TENM1: variants seen among roughly 807,000 people sequenced by gnomAD.
TENM1 encodes teneurin-1.
In TENM1, 35 loss-of-function variants were observed where a neutral mutation model predicts 174.8. The observed-to-expected ratio is 0.20, with a 90% CI of 0.15 to 0.27. TENM1 has a LOEUF of 0.27. TENM1 is among the 10% of genes least tolerant of loss of function. TENM1 has a pLI of 1.00. For synonymous variants in TENM1, 781 were observed against 798.7 expected (o/e 0.98, Z 0.37); for missense variants, 1,633 against 2,130.1 (o/e 0.77, Z 4.59).
At chrX:124,794,298 A>G (rs1005562993) in intron 3 of TENM1, among the ~76,000 whole-genome samples, 1 of 111,708 alleles carries the variant, frequency 9.0e-6, no homozygotes, top group Non-Finnish European at 1.9e-5. Flanking sequence ...CCAAAATTCA[A>G]TAACAGTTTG....
intron 3 of TENM1, among the ~76,000 whole-genome samples, chrX:124,877,343 GCT>G (rs2057223061): frequency 1.8e-5 from 2 of 111,847 alleles, no homozygotes; most frequent in South Asian, 7.3e-4. Flanking sequence ...ATGATATTCT[GCT>G]CTTTTAACTT....
intron 4 of TENM1, among the ~76,000 whole-genome samples, chrX:124,720,067 G>A (rs930870842): frequency 8.9e-6 from 1 of 111,801 alleles, no homozygotes; most frequent in Non-Finnish European, 1.9e-5. Context: ...ACAAGGTGTT[G>A]CATCTTGAAT....
chrX:124,384,448 A>G (rs2060195991), exon 30 of TENM1: 1 of 1,210,960 alleles, frequency 8.3e-7, no homozygotes, highest in African/African-American at 1.7e-5. Flanking sequence ...GCCCATCAGC[A>G]TCGTATTCAT....
chrX:124,505,225 G>T (rs983560371), intron 18 of TENM1, among the ~76,000 whole-genome samples: 9 of 112,316 alleles, frequency 8.0e-5, no homozygotes, highest in Admixed American at 1.9e-4. Context: ...TCCTGGCGGG[G>T]ATGCCCTTCT....
rs2060660610 is a variant in TENM1, at chrX:124,422,179, CTT to C, written c.4471+91_4471+92del. The C allele has an allele frequency of 1.2e-5, 13 of 1,073,840 alleles. No individual in the cohort carries two copies. The East Asian group carries it at 1.2e-4, about 10-fold the overall frequency. 88.5% of individuals were successfully genotyped at this position (1,073,840 alleles called of 1,213,427 possible). A position where few individuals can be genotyped will look rare whatever the true frequency, so the allele number is the denominator to read the frequency against. On this transcript the variant is annotated intron_variant, in intron 24 of 31. Coordinates refer to ENST00000422452, the Ensembl canonical transcript of TENM1. ...CTCATACCAATGTTTGCAAGTAACA[CTT>C]TGCTTTTCCTTTTCCTTTTGACTTT...
At chrX:125,120,631 C>A in the TENM1 span, among the ~76,000 whole-genome samples, 1 of 111,496 alleles carries the variant, frequency 9.0e-6, no homozygotes, top group African/African-American at 3.3e-5. Context: ...CTTTAAAAGG[C>A]AAGAATTAAA....
At chrX:125,188,263 G>T in the TENM1 span, among the ~76,000 whole-genome samples, 5 of 110,692 alleles carry the variant, frequency 4.5e-5, no homozygotes, top group South Asian at 1.9e-3. Context: ...AGCCTGGAAG[G>T]TTGAGGCTGC....
chrX:124,983,072 A>G, the TENM1 span, among the ~76,000 whole-genome samples: 1 of 112,206 alleles, frequency 8.9e-6, no homozygotes, highest in Non-Finnish European at 1.9e-5. Flanking sequence ...TTGAAAGTAC[A>G]TATATCACCA....
intron 11 of TENM1, among the ~76,000 whole-genome samples, chrX:124,605,089 G>A (rs1222800408): frequency 5.7e-5 from 6 of 105,952 alleles, no homozygotes; most frequent in Non-Finnish European, 1.9e-5. Context: ...AAGGACTACT[G>A]TGAAGTCAAA....
chrX:124,486,855 T>C (rs765318693), intron 21 of TENM1, among the ~76,000 whole-genome samples: 3 of 112,014 alleles, frequency 2.7e-5, no homozygotes, highest in African/African-American at 9.7e-5. Flanking sequence ...ATTACCTCTT[T>C]CTCTACCTGC....
intron 5 of TENM1, among the ~76,000 whole-genome samples, chrX:124,678,228 T>C (rs1350258862): frequency 9.0e-6 from 1 of 111,298 alleles, no homozygotes; most frequent in Non-Finnish European, 1.9e-5. Context: ...AACACATCAC[T>C]GGATGATCTG....
the TENM1 span, among the ~76,000 whole-genome samples, chrX:125,154,819 G>A: frequency 1.8e-5 from 2 of 109,047 alleles, no homozygotes; most frequent in African/African-American, 3.4e-5. Flanking sequence ...CTCTTAAGGC[G>A]GCGTTTCTGG....
the TENM1 span, among the ~76,000 whole-genome samples, chrX:124,985,338 TGC>T: frequency 8.9e-6 from 1 of 112,370 alleles, no homozygotes; most frequent in Non-Finnish European, 1.9e-5. Context: ...CCTTCAATCT[TGC>T]TAAATTTATT....
chrX:124,574,853 A>T (rs749479148), intron 11 of TENM1, among the ~76,000 whole-genome samples: 1 of 112,029 alleles, frequency 8.9e-6, no homozygotes, highest in Non-Finnish European at 1.9e-5. Flanking sequence ...GATTCAACTA[A>T]TAACAGTAAA....
chrX:124,410,991 AG>A (rs1465051998), intron 25 of TENM1, among the ~76,000 whole-genome samples: 2 of 111,965 alleles, frequency 1.8e-5, no homozygotes, highest in Non-Finnish European at 3.8e-5. Context: ...CATCAGAGCA[AG>A]ATGACAAGAT....
At position 124,708,983 on chromosome X, in the gene TENM1, A is replaced by G. The variant is rs143494042; in HGVS notation, c.777-3732T>C. ...CTCCAAGTTAGGCACTTTGTCTCCAATTTTGATCCTTATATGTCTGTGAAG... is the reference window on the plus strand; with the variant it reads ...CTCCAAGTTAGGCACTTTGTCTCCAGTTTTGATCCTTATATGTCTGTGAAG... On this transcript the variant is annotated intron_variant, in intron 4 of 31. Coordinates refer to ENST00000422452, the Ensembl canonical transcript of TENM1. 3.2e-3 allele frequency among the ~76,000 whole-genome samples: 360 copies of G among 111,494 alleles called. 1 individual carries two copies. The highest frequency in any genetic ancestry group is 0.011 in the African/African-American group (346 of 30,678).
intron 1 of TENM1, among the ~76,000 whole-genome samples, chrX:124,920,411 T>C (rs2058001563): frequency 9.0e-6 from 1 of 111,639 alleles, no homozygotes; most frequent in South Asian, 3.7e-4. Flanking sequence ...CTATAATTTA[T>C]TTGACCAGAA....
rs780711253 is a variant in TENM1, at chrX:124,436,099, T to C, written c.4105-13461A>G. Among the ~76,000 whole-genome samples, 7 of 111,513 alleles carry C rather than the reference T, an allele frequency of 6.3e-5. No individual in the cohort carries two copies. In the East Asian group the frequency reaches 2.0e-3, roughly 32 times the overall value. On this transcript the variant is annotated intron_variant, in intron 23 of 31. Coordinates refer to ENST00000422452, the Ensembl canonical transcript of TENM1. Reference sequence around the variant, plus strand: ...ATGTTTCATCTAAACTGTAAGCATATCTGAGTGACTCCAGCAGCAACAATG... The same window carrying C: ...ATGTTTCATCTAAACTGTAAGCATACCTGAGTGACTCCAGCAGCAACAATG...
At chrX:124,624,876 A>C (rs1253386973) in intron 11 of TENM1, among the ~76,000 whole-genome samples, 2 of 112,587 alleles carry the variant, frequency 1.8e-5, no homozygotes, top group Non-Finnish European at 3.8e-5. Context: ...CTTGGCTTCA[A>C]AAGCTTTGCC....
Sources: allele counts gnomAD v4.1 joint callset (sites outside exome capture counted in the v4.1 genomes callset), GRCh38; gene constraint gnomAD v4.1.1; transcripts MANE v1.5; gene names NCBI Gene and HGNC (gene_info 2026-07-23, HGNC 2026-07-21).